Variants in NTM observed in about 807,000 individuals in gnomAD.
NTM encodes neurotrimin.
In NTM, 13 loss-of-function variants were observed where a neutral mutation model predicts 42.1. The observed-to-expected ratio is 0.31, with a 90% CI of 0.20 to 0.49. The LOEUF is 0.49. Among genes scored for constraint, NTM ranks in the 20% least tolerant of loss-of-function variants. The pLI, the probability that NTM is intolerant of heterozygous loss-of-function variation, is 0.99. For synonymous variants in NTM, 187 were observed against 179.2 expected (o/e 1.04, Z -0.35); for missense variants, 373 against 452.8 (o/e 0.82, Z 1.60).
At chr11:131,414,748 A>G (rs1946767648) in intron 1 of NTM, among the ~76,000 whole-genome samples, 1 of 152,188 alleles carries the variant, frequency 6.6e-6, no homozygotes, top group South Asian at 2.1e-4. Flanking sequence ...CTTTGTCCAA[A>G]TCAGCCTGCC....
chr11:132,239,789 C>G (rs1443588568), intron 4 of NTM, among the ~76,000 whole-genome samples: 2 of 152,158 alleles, frequency 1.3e-5, no homozygotes, highest in Non-Finnish European at 2.9e-5. Context: ...ATAAGAGTAG[C>G]ATAACAATAA....
intron 3 of NTM, among the ~76,000 whole-genome samples, chr11:132,156,078 C>CA (rs1423888909): frequency 6.6e-6 from 1 of 152,162 alleles, no homozygotes; most frequent in African/African-American, 2.4e-5. Flanking sequence ...GATTCTGCCA[C>CA]ACCCACTTTG....
chr11:132,249,338 C>T (rs2091652186), intron 4 of NTM, among the ~76,000 whole-genome samples: 1 of 152,084 alleles, frequency 6.6e-6, no homozygotes, highest in East Asian at 1.9e-4. Context: ...ACGTGGTGAT[C>T]ACTTCCTTCT....
At chr11:132,276,925 C>G (rs1040238748) in intron 4 of NTM, among the ~76,000 whole-genome samples, 6 of 152,118 alleles carry the variant, frequency 3.9e-5, no homozygotes, top group African/African-American at 1.4e-4. Flanking sequence ...TTAGGGACTC[C>G]TGACAGATAG....
At chr11:131,391,155 T>C (rs1943942222) in intron 1 of NTM, among the ~76,000 whole-genome samples, 1 of 152,150 alleles carries the variant, frequency 6.6e-6, no homozygotes, top group African/African-American at 2.4e-5. Context: ...CCTTGTGAGG[T>C]AGGGGTTGTA....
intron 1 of NTM, among the ~76,000 whole-genome samples, chr11:131,545,347 C>T (rs1052533134): frequency 6.6e-6 from 1 of 152,094 alleles, no homozygotes; most frequent in Non-Finnish European, 1.5e-5. Flanking sequence ...GCTTTTCCTC[C>T]ATTTTTTTCT....
rs903911805 is a variant in NTM at position 132,213,766 on chromosome 11, G to T, written c.526+1619G>T. On this transcript the variant is annotated intron_variant, in intron 4 of 8. Transcript: ENST00000683400. ...TTTTTTTTTTTTGAGACGGAGTCTC[G>T]CTCTGTCGCCCAGGCTGGAGTGCAG... Among the ~76,000 whole-genome samples the T allele has an allele frequency of 2.0e-5, 2 of 97,686 alleles. 1 individual carries two copies. Among genetic ancestry groups the T allele is most frequent in the Non-Finnish European group, 4.2e-5 (2 of 47,570 alleles). The allele number at this position is 97,686 out of a possible 152,430, so 64.1% of individuals were successfully genotyped here.
intron 1 of NTM, among the ~76,000 whole-genome samples, chr11:131,533,061 C>A (rs2051537688): frequency 6.6e-6 from 1 of 151,974 alleles, no homozygotes; most frequent in African/African-American, 2.4e-5. Context: ...AGATGTGAGA[C>A]TGAAAAAAAT....
intron 1 of NTM, among the ~76,000 whole-genome samples, chr11:131,839,205 G>A (rs142577549): frequency 0.018 from 2,703 of 151,908 alleles, 74 homozygotes; most frequent in African/African-American, 0.062. Context: ...CAGGTGATCC[G>A]CCCGCCTCGG....
chr11:132,316,379 G>GC (rs1182266743), intron 7 of NTM, among the ~76,000 whole-genome samples: 8 of 152,108 alleles, frequency 5.3e-5, no homozygotes, highest in African/African-American at 1.9e-4. Context: ...TACTTCCCAT[G>GC]CCCCCCACCC....
chr11:131,612,742 C>T (rs143677014), intron 1 of NTM, among the ~76,000 whole-genome samples: 1,797 of 152,310 alleles, frequency 0.012, 22 homozygotes, highest in African/African-American at 0.041. Flanking sequence ...CACAGTGGAA[C>T]ACCAGTTGGC....
intron 1 of NTM, chr11:131,539,593 C>A (rs1161885452): frequency 6.6e-6 from 1 of 152,226 alleles, no homozygotes. Flanking sequence ...TTCCATGGGA[C>A]CATTTGAGGT....
At chr11:131,541,354 C>T (rs2053221220) in intron 1 of NTM, among the ~76,000 whole-genome samples, 2 of 152,194 alleles carry the variant, frequency 1.3e-5, no homozygotes, top group African/African-American at 4.8e-5. Flanking sequence ...TCCAGAATTG[C>T]TAGCTTTTCC....
chr11:131,868,197 G>C (rs965451014), intron 1 of NTM, among the ~76,000 whole-genome samples: 1 of 152,142 alleles, frequency 6.6e-6, no homozygotes, highest in African/African-American at 2.4e-5. Context: ...TTGCTTTACA[G>C]ATGAGAAAAA....
intron 1 of NTM, among the ~76,000 whole-genome samples, chr11:131,390,880 G>A (rs1943913335): frequency 1.3e-5 from 2 of 152,140 alleles, no homozygotes; most frequent in Admixed American, 6.5e-5. Flanking sequence ...GCATACTTCA[G>A]TTTGAGAACC....
At chr11:131,874,155 G>A (rs940136111) in intron 1 of NTM, among the ~76,000 whole-genome samples, 12 of 147,942 alleles carry the variant, frequency 8.1e-5, no homozygotes, top group African/African-American at 3.0e-4. Flanking sequence ...TCTCACCTGG[G>A]CTCCCACAGT....
chr11:131,608,316 A>G (rs1378013793), intron 1 of NTM, among the ~76,000 whole-genome samples: 2 of 152,150 alleles, frequency 1.3e-5, no homozygotes, highest in Admixed American at 6.5e-5. Context: ...TTTGGGTTAC[A>G]TTTTTGAATG....
intron 4 of NTM, among the ~76,000 whole-genome samples, chr11:132,232,508 G>T (rs1018966465): frequency 6.6e-6 from 1 of 152,130 alleles, no homozygotes; most frequent in Non-Finnish European, 1.5e-5. Flanking sequence ...TAGAGGAGAG[G>T]GCAGGGAATA....
At chr11:131,857,402 A>G (rs2046209242) in intron 1 of NTM, among the ~76,000 whole-genome samples, 1 of 151,984 alleles carries the variant, frequency 6.6e-6, no homozygotes, top group African/African-American at 2.4e-5. Flanking sequence ...AGCCCATCTC[A>G]GTTCCAGACA....
Sources: allele counts gnomAD v4.1 joint callset (sites outside exome capture counted in the v4.1 genomes callset), GRCh38; gene constraint gnomAD v4.1.1; transcripts MANE v1.5; gene names NCBI Gene and HGNC (gene_info 2026-07-23, HGNC 2026-07-21).